PRKN: variants seen among roughly 807,000 people sequenced by gnomAD.
PRKN encodes E3 ubiquitin-protein ligase parkin.
A neutral mutation model predicts 59.5 loss-of-function variants in PRKN; 56 were observed. The ratio of observed to expected loss-of-function variants is 0.94; its 90% CI spans 0.76 to 1.18. PRKN has a LOEUF of 1.18. PRKN is among the 50% of genes most tolerant of loss of function. The probability of loss-of-function intolerance (pLI) is 0.00; values close to 1 mark genes in which losing one functional copy is unlikely to be tolerated. For missense variants in PRKN, 657 were observed against 596.4 expected (o/e 1.10, Z -1.06); for synonymous variants, 250 against 222.1 (o/e 1.13, Z -1.12).
chr6:162,141,931 A>G (rs539663952), intron 4 of PRKN, among the ~76,000 whole-genome samples: 1 of 152,314 alleles, frequency 6.6e-6, no homozygotes, highest in African/African-American at 2.4e-5. Context: ...CTCAGGCAAG[A>G]TGATCACCAA....
chr6:162,075,241 A>G (rs918626029), intron 4 of PRKN, among the ~76,000 whole-genome samples: 8 of 152,198 alleles, frequency 5.3e-5, no homozygotes, highest in African/African-American at 1.9e-4. Flanking sequence ...AAAGATTCAT[A>G]GTTACCTCAG....
chr6:162,426,742 C>A (rs1789257463), intron 2 of PRKN, among the ~76,000 whole-genome samples: 2 of 152,224 alleles, frequency 1.3e-5, no homozygotes, highest in African/African-American at 4.8e-5. Flanking sequence ...CCACCATACC[C>A]AGCCAAAAAC....
At chr6:162,210,044 T>C (rs1785134826) in intron 3 of PRKN, among the ~76,000 whole-genome samples, 1 of 151,770 alleles carries the variant, frequency 6.6e-6, no homozygotes, top group African/African-American at 2.4e-5. Flanking sequence ...CAACATGGCA[T>C]ATGTATATGT....
At chr6:162,071,976 T>C (rs1477692143) in intron 4 of PRKN, among the ~76,000 whole-genome samples, 1 of 152,142 alleles carries the variant, frequency 6.6e-6, no homozygotes, top group Non-Finnish European at 1.5e-5. Flanking sequence ...AACACTATCA[T>C]AAAGTTCTGA....
intron 2 of PRKN, among the ~76,000 whole-genome samples, chr6:162,299,891 C>T (rs1440971665): frequency 6.6e-6 from 1 of 152,086 alleles, no homozygotes; most frequent in Non-Finnish European, 1.5e-5. Flanking sequence ...ATCAATGTTT[C>T]CATGCAGAAA....
chr6:162,115,311 C>A lies in PRKN; in HGVS notation c.535-61137G>T, dbSNP rs1300201031. ...ATTGAATAATGAGAACACATGGACA[C>A]AGGAAGGGGAACATCACACTCTGGG... On this transcript the variant is annotated intron_variant, in intron 4 of 11. Coordinates refer to ENST00000366898, the MANE Select transcript of PRKN (RefSeq NM_004562.3). Among the ~76,000 whole-genome samples the A allele has an allele frequency of 2.2e-5, 3 of 138,210 alleles. No homozygotes were observed. The East Asian group carries it at 6.4e-4, about 29-fold the overall frequency. The allele number at this position is 138,210 out of a possible 152,430, so 90.7% of individuals were successfully genotyped here. A position where few individuals can be genotyped will look rare whatever the true frequency, so the allele number is the denominator to read the frequency against.
At chr6:161,754,796 C>T (rs1788844270) in intron 7 of PRKN, among the ~76,000 whole-genome samples, 1 of 152,226 alleles carries the variant, frequency 6.6e-6, no homozygotes, top group Non-Finnish European at 1.5e-5. Flanking sequence ...CCTCAAATTC[C>T]TATTTTAAAC....
In PRKN at chr6:162,063,706, G is replaced by A. The variant is rs575504704; in HGVS notation, c.535-9532C>T. On this transcript the variant is annotated intron_variant, in intron 4 of 11. Transcript: ENST00000366898. Reference sequence around the variant, plus strand: ...ATTACAGGCATTTGCCACCACACCCGGCTAATTTTTGAATTTTTAGTAGAG... The same window carrying A: ...ATTACAGGCATTTGCCACCACACCCAGCTAATTTTTGAATTTTTAGTAGAG... Among the ~76,000 whole-genome samples the A allele has an allele frequency of 8.6e-5, 13 of 152,020 alleles. No homozygotes were observed. In the South Asian group the frequency reaches 1.7e-3, roughly 19 times the overall value.
At chr6:162,615,552 G>A (rs1319522158) in intron 1 of PRKN, among the ~76,000 whole-genome samples, 3 of 152,056 alleles carry the variant, frequency 2.0e-5, no homozygotes, top group Non-Finnish European at 4.4e-5. Flanking sequence ...CAATGCACAT[G>A]CCACCCCAGC....
At chr6:161,650,603 C>T (rs2281403) in intron 7 of PRKN, among the ~76,000 whole-genome samples, 75,961 of 152,028 alleles carry the variant, frequency 0.5, 21,915 homozygotes, top group African/African-American at 0.81. Context: ...ATTGATTTAT[C>T]CTGTAAACAT....
intron 1 of PRKN, among the ~76,000 whole-genome samples, chr6:162,477,716 A>C (rs995091097): frequency 3.3e-5 from 5 of 151,946 alleles, no homozygotes; most frequent in Admixed American, 6.6e-5. Flanking sequence ...CTTCACAAAC[A>C]CCAGCCACAG....
chr6:162,008,722 T>C (rs561876315), intron 5 of PRKN, among the ~76,000 whole-genome samples: 8 of 152,252 alleles, frequency 5.3e-5, no homozygotes, highest in African/African-American at 1.9e-4. Context: ...TCCTGAGAAC[T>C]TATTATATGA....
At chr6:162,617,777 C>T (rs1782494148) in intron 1 of PRKN, among the ~76,000 whole-genome samples, 1 of 151,654 alleles carries the variant, frequency 6.6e-6, no homozygotes, top group Non-Finnish European at 1.5e-5. Flanking sequence ...TGTTATGGTC[C>T]TATGATGAAA....
At chr6:161,768,848 A>G (rs1260647857) in intron 7 of PRKN, among the ~76,000 whole-genome samples, 2 of 152,248 alleles carry the variant, frequency 1.3e-5, no homozygotes, top group East Asian at 3.8e-4. Flanking sequence ...CAACCCAGTT[A>G]AAGCAGCCTA....
chr6:161,691,309 G>A (rs1005532777), intron 7 of PRKN, among the ~76,000 whole-genome samples: 5 of 152,124 alleles, frequency 3.3e-5, no homozygotes, highest in Non-Finnish European at 7.3e-5. Context: ...CTTTTCTTCC[G>A]AAGCAAGGCC....
At chr6:161,521,587 C>T (rs76483915) in intron 9 of PRKN, among the ~76,000 whole-genome samples, 7 of 152,348 alleles carry the variant, frequency 4.6e-5, no homozygotes, top group African/African-American at 7.2e-5. Context: ...TTCATATAAG[C>T]TTCACTGCTA....
chr6:162,380,467 A>T (rs538680934), intron 2 of PRKN, among the ~76,000 whole-genome samples: 313 of 54,920 alleles, frequency 5.7e-3, no homozygotes, highest in Non-Finnish European at 7.3e-3. Context: ...ACACATATAT[A>T]TGTGTGTATA....
chr6:162,566,980 A>G (rs1032422552), intron 1 of PRKN, among the ~76,000 whole-genome samples: 5 of 152,238 alleles, frequency 3.3e-5, no homozygotes, highest in African/African-American at 9.6e-5. Context: ...TCAATGTGAT[A>G]CATCATATCA....
At chr6:161,887,582 C>G (rs1343870433) in intron 6 of PRKN, among the ~76,000 whole-genome samples, 3 of 152,130 alleles carry the variant, frequency 2.0e-5, no homozygotes, top group African/African-American at 7.2e-5. Flanking sequence ...ATAAGAGATG[C>G]ATTCAACAAT....
Sources: gnomAD v4.1 joint callset for allele counts (sites outside exome capture counted in the v4.1 genomes callset) on GRCh38, gnomAD v4.1.1 for gene constraint, MANE v1.5 for transcripts, NCBI Gene and HGNC (gene_info 2026-07-23, HGNC 2026-07-21) for gene names.